KATNBL1: variants seen among roughly 807,000 people sequenced by gnomAD.
KATNBL1 encodes katanin regulatory subunit B1 like 1.
In KATNBL1, 28 loss-of-function variants were observed where a neutral mutation model predicts 44.7. That is an observed-to-expected ratio of 0.63 (90% CI 0.46 to 0.86). KATNBL1 has a LOEUF of 0.86. Ranked by LOEUF, KATNBL1 falls within the 40% of genes least tolerant of loss-of-function variation. The pLI is 0.00. For synonymous variants in KATNBL1, 78 were observed against 114.9 expected (o/e 0.68, Z 2.06); for missense variants, 272 against 350.7 (o/e 0.78, Z 1.79).
chr15:34,195,356 T>C (rs1444640283), intron 1 of KATNBL1, among the ~76,000 whole-genome samples: 2 of 152,132 alleles, frequency 1.3e-5, no homozygotes, highest in Non-Finnish European at 2.9e-5. Flanking sequence ...CAAAGACAAA[T>C]ACTGCATGTC....
At chr15:34,155,602 T>G (rs981535677) in intron 2 of KATNBL1, among the ~76,000 whole-genome samples, 4 of 152,232 alleles carry the variant, frequency 2.6e-5, no homozygotes, top group Non-Finnish European at 5.9e-5. Context: ...TATACTTTCA[T>G]CAGGGGCGGT....
At chr15:34,195,990 T>C (rs1890019501) in intron 1 of KATNBL1, among the ~76,000 whole-genome samples, 1 of 152,194 alleles carries the variant, frequency 6.6e-6, no homozygotes, top group Admixed American at 6.5e-5. Flanking sequence ...TACGTGTGCA[T>C]GCTTATCTAA....
At chr15:34,165,274 A>G (rs148066809) in intron 1 of KATNBL1, among the ~76,000 whole-genome samples, 3 of 152,288 alleles carry the variant, frequency 2.0e-5, no homozygotes, top group South Asian at 4.1e-4. Context: ...TAGAGATAGA[A>G]GTTAGATCAC....
chr15:34,184,198 C>T (rs562646580), intron 1 of KATNBL1, among the ~76,000 whole-genome samples: 2 of 151,616 alleles, frequency 1.3e-5, no homozygotes, highest in African/African-American at 4.9e-5. Context: ...CCCAGCTACT[C>T]GGGAGGCTGA....
intron 1 of KATNBL1, among the ~76,000 whole-genome samples, chr15:34,176,383 A>G (rs1889333750): frequency 6.6e-6 from 1 of 152,182 alleles, no homozygotes; most frequent in Admixed American, 6.5e-5. Flanking sequence ...CATCTCAAAA[A>G]AAAAAAGTAG....
chr15:34,198,788 A>C (rs1390438716), intron 1 of KATNBL1, among the ~76,000 whole-genome samples: 1 of 152,238 alleles, frequency 6.6e-6, no homozygotes, highest in Admixed American at 6.5e-5. Context: ...AGGGACTGGC[A>C]AGGGAAGCAA....
intron 1 of KATNBL1, among the ~76,000 whole-genome samples, chr15:34,183,987 G>A (rs1419387466): frequency 1.3e-5 from 2 of 152,018 alleles, no homozygotes; most frequent in African/African-American, 4.8e-5. Context: ...TGGCCAACAT[G>A]GTGAAACCCC....
intron 1 of KATNBL1, among the ~76,000 whole-genome samples, chr15:34,191,396 G>A (rs1184309832): frequency 6.6e-6 from 1 of 151,950 alleles, no homozygotes; most frequent in African/African-American, 2.4e-5. Context: ...ATTACTGTAA[G>A]TCATGTAAAC....
At chr15:34,179,883 C>T (rs1889468362) in intron 1 of KATNBL1, among the ~76,000 whole-genome samples, 1 of 152,162 alleles carries the variant, frequency 6.6e-6, no homozygotes, top group Admixed American at 6.5e-5. Context: ...AATGAGATCA[C>T]TATCTTATAA....
intron 4 of KATNBL1, among the ~76,000 whole-genome samples, chr15:34,152,364 C>T (rs1300741944): frequency 1.1e-4 from 17 of 152,036 alleles, no homozygotes; most frequent in East Asian, 9.6e-4. Context: ...CCACCATGCC[C>T]GGCTAATTTT....
intron 1 of KATNBL1, among the ~76,000 whole-genome samples, chr15:34,187,379 C>T (rs971592424): frequency 1.3e-5 from 2 of 152,182 alleles, no homozygotes; most frequent in Non-Finnish European, 2.9e-5. Flanking sequence ...TTCTTCTTCA[C>T]CCTTCACTTG....
intron 1 of KATNBL1, among the ~76,000 whole-genome samples, chr15:34,208,054 T>A (rs868711153): frequency 2.6e-5 from 4 of 152,370 alleles, no homozygotes; most frequent in Middle Eastern, 3.4e-3. Context: ...TAGATTAATC[T>A]CCCTAAGGTT....
chr15:34,143,087 G>A, intron 9 of KATNBL1: 1 of 1,129,854 alleles, frequency 8.9e-7, no homozygotes. Flanking sequence ...TCATCATAAG[G>A]AACTTCGCAT....
At chr15:34,161,177 C>G (rs1190357637) in intron 2 of KATNBL1, among the ~76,000 whole-genome samples, 1 of 152,210 alleles carries the variant, frequency 6.6e-6, no homozygotes, top group East Asian at 1.9e-4. Flanking sequence ...ACCCCGACCA[C>G]CAAGGAAATA....
intron 9 of KATNBL1, chr15:34,144,934 C>T (rs554499056): frequency 5.0e-5 from 18 of 358,932 alleles, no homozygotes; most frequent in East Asian, 1.6e-4. Flanking sequence ...TTTTCCTTTA[C>T]GAGACAAATC....
chr15:34,190,950 C>T lies in KATNBL1; in HGVS notation c.-15+19001G>A, dbSNP rs534279404. On this transcript the variant is annotated intron_variant, in intron 1 of 9. Transcript: ENST00000256544. Reference sequence around the variant, plus strand: ...TAGATGACTCAGTGTTCTCAACAAACGCTTTGCAAGAAAATAAAATAAGAG... The same window carrying T: ...TAGATGACTCAGTGTTCTCAACAAATGCTTTGCAAGAAAATAAAATAAGAG... 5.9e-4 allele frequency among the ~76,000 whole-genome samples: 90 copies of T among 151,952 alleles called. 1 individual carries two copies. In the South Asian group the frequency reaches 0.014, roughly 23 times the overall value.
At chr15:34,164,520 G>GAA (rs10648450) in intron 1 of KATNBL1, among the ~76,000 whole-genome samples, 24,848 of 144,062 alleles carry the variant, frequency 0.17, 2,280 homozygotes, top group Middle Eastern at 0.31. Context: ...CTCTACCTTT[G>GAA]AAAAAAAAAA....
chr15:34,158,934 C>G (rs1284012223), intron 2 of KATNBL1, among the ~76,000 whole-genome samples: 1 of 152,148 alleles, frequency 6.6e-6, no homozygotes, highest in African/African-American at 2.4e-5. Flanking sequence ...AATCTGAACA[C>G]TCATGCTCAG....
intron 1 of KATNBL1, chr15:34,198,159 G>T (rs1442423900): frequency 6.6e-6 from 1 of 152,190 alleles, no homozygotes; most frequent in African/African-American, 2.4e-5. Flanking sequence ...AAAGGAATAT[G>T]AAATAATTGT....
Sources: gnomAD v4.1 joint callset for allele counts (sites outside exome capture counted in the v4.1 genomes callset) on GRCh38, gnomAD v4.1.1 for gene constraint, MANE v1.5 for transcripts, NCBI Gene and HGNC (gene_info 2026-07-23, HGNC 2026-07-21) for gene names.